MAPK10: variants seen among roughly 807,000 people sequenced by gnomAD.
MAPK10 encodes the protein mitogen-activated protein kinase 10.
In MAPK10, 25 loss-of-function variants were observed where a neutral mutation model predicts 59.3. The observed-to-expected ratio is 0.42, with a 90% CI of 0.31 to 0.59. MAPK10 has a LOEUF of 0.59. Ranked by LOEUF, MAPK10 falls within the 20% of genes least tolerant of loss-of-function variation. The pLI, the probability that MAPK10 is intolerant of heterozygous loss-of-function variation, is 0.15. For synonymous variants in MAPK10, 190 were observed against 200.5 expected (o/e 0.95, Z 0.44); for missense variants, 351 against 568.9 (o/e 0.62, Z 3.90).
intron 11 of MAPK10, among the ~76,000 whole-genome samples, chr4:86,057,833 T>G (rs1020916882): frequency 6.7e-6 from 1 of 149,898 alleles, no homozygotes; most frequent in Non-Finnish European, 1.5e-5. Flanking sequence ...GAGAGGAAAG[T>G]GAAAAGTTCT....
intron 1 of MAPK10, among the ~76,000 whole-genome samples, chr4:86,395,058 A>G (rs1285820177): frequency 1.6e-5 from 1 of 63,982 alleles, no homozygotes; most frequent in Non-Finnish European, 2.9e-5. Context: ...ACTCATTCAC[A>G]GTATTGAGTC....
chr4:86,393,245 T>A (rs1742474509), intron 1 of MAPK10, among the ~76,000 whole-genome samples: 1 of 152,222 alleles, frequency 6.6e-6, no homozygotes, highest in Non-Finnish European at 1.5e-5. Context: ...GTATAGCATG[T>A]TGATATTTAT....
intron 9 of MAPK10, among the ~76,000 whole-genome samples, chr4:86,075,565 G>T (rs553352148): frequency 6.6e-6 from 1 of 152,310 alleles, no homozygotes; most frequent in South Asian, 2.1e-4. Flanking sequence ...TGTACAGATG[G>T]GTTTTCAGTG....
chr4:86,459,284 G>A (rs1394037105), intron 1 of MAPK10, among the ~76,000 whole-genome samples: 1 of 152,152 alleles, frequency 6.6e-6, no homozygotes, highest in African/African-American at 2.4e-5. Flanking sequence ...AGTGAACAGG[G>A]AACACTTCTA....
chr4:86,552,714 A>C (rs1017708228), intron 1 of MAPK10, among the ~76,000 whole-genome samples: 1 of 152,106 alleles, frequency 6.6e-6, no homozygotes, highest in Non-Finnish European at 1.5e-5. Context: ...CAATTTTGGA[A>C]AAAGAGAGTG....
At chr4:86,542,384 A>G (rs76480086) in intron 1 of MAPK10, 7,125 of 152,240 alleles carry the variant, frequency 0.047, 221 homozygotes, top group African/African-American at 0.059. Context: ...AACCTCCTTT[A>G]GCCCCAAATT....
At chr4:86,141,505 T>A (rs1296874495) in intron 4 of MAPK10, among the ~76,000 whole-genome samples, 2 of 152,170 alleles carry the variant, frequency 1.3e-5, no homozygotes, top group Admixed American at 1.3e-4. Flanking sequence ...TCTCTTATTA[T>A]AGCAAAGACT....
At chr4:86,355,438 G>C (rs567216074) in intron 1 of MAPK10, among the ~76,000 whole-genome samples, 1 of 152,044 alleles carries the variant, frequency 6.6e-6, no homozygotes, top group South Asian at 2.1e-4. Flanking sequence ...CTTCAGAGGA[G>C]GTAAATTCCT....
intron 2 of MAPK10, chr4:86,277,137 CT>C (rs113070859): frequency 0.015 from 2,100 of 143,320 alleles, 19 homozygotes; most frequent in African/African-American, 0.035. Flanking sequence ...TTGTGACCAT[CT>C]TTTTTTTTTT....
intron 2 of MAPK10, among the ~76,000 whole-genome samples, chr4:86,295,490 T>C (rs2095337641): frequency 6.6e-6 from 1 of 152,064 alleles, no homozygotes; most frequent in South Asian, 2.1e-4. Flanking sequence ...ATAACCTTCA[T>C]GAAGGCAGGG....
intron 2 of MAPK10, among the ~76,000 whole-genome samples, chr4:86,205,228 T>G (rs1266895922): frequency 6.6e-6 from 1 of 151,910 alleles, no homozygotes; most frequent in Non-Finnish European, 1.5e-5. Context: ...AGGCAAAAAG[T>G]ATTATTAAGA....
intron 1 of MAPK10, among the ~76,000 whole-genome samples, chr4:86,448,479 C>CAT (rs1750318821): frequency 6.6e-6 from 1 of 151,780 alleles, no homozygotes; most frequent in South Asian, 2.1e-4. Flanking sequence ...TATCCAAGAA[C>CAT]ATAATATGTC....
chr4:86,010,648 T>C lies in MAPK10; in HGVS notation c.*6580A>G, dbSNP rs1321245180. ...CCATTGCTTTCTGAAAACCTTCCTT[T>C]TATAAAAGAAATACTTTAATATTAT... On this transcript the variant is annotated 3_prime_UTR_variant, in exon 14 of 14. Transcript: ENST00000641462. 2.0e-5 allele frequency: 3 copies of C among 152,228 alleles called. No individual in the cohort carries two copies. Among genetic ancestry groups the C allele is most frequent in the African/African-American group, 7.2e-5 (3 of 41,460 alleles). The allele number at this position is 152,228 out of a possible 1,614,324, so 9.4% of individuals were successfully genotyped here. A position where few individuals can be genotyped will look rare whatever the true frequency, so the allele number is the denominator to read the frequency against.
intron 1 of MAPK10, among the ~76,000 whole-genome samples, chr4:86,442,655 T>C (rs193119825): frequency 4.6e-5 from 7 of 152,324 alleles, no homozygotes; most frequent in Admixed American, 1.3e-4. Context: ...AAACAACATA[T>C]AGTATTGTTG....
chr4:86,119,034 T>C (rs1163970316), intron 4 of MAPK10, among the ~76,000 whole-genome samples: 1 of 152,228 alleles, frequency 6.6e-6, no homozygotes, highest in Non-Finnish European at 1.5e-5. Context: ...TTAGTTTTTC[T>C]ATCAAAAGTC....
intron 1 of MAPK10, among the ~76,000 whole-genome samples, chr4:86,573,105 C>T (rs1374251661): frequency 6.6e-6 from 1 of 151,974 alleles, no homozygotes; most frequent in African/African-American, 2.4e-5. Flanking sequence ...TTCACTTTTG[C>T]AGGAATCTTT....
intron 1 of MAPK10, among the ~76,000 whole-genome samples, chr4:86,378,792 A>G (rs1201113634): frequency 2.0e-5 from 3 of 152,198 alleles, no homozygotes; most frequent in Non-Finnish European, 2.9e-5. Context: ...AGAGTCACAT[A>G]AATCCCTCAT....
intron 2 of MAPK10, among the ~76,000 whole-genome samples, chr4:86,271,701 G>T (rs2094439376): frequency 6.6e-6 from 1 of 152,000 alleles, no homozygotes; most frequent in Non-Finnish European, 1.5e-5. Context: ...TATGGCAGAA[G>T]GGGAAGCAAA....
intron 2 of MAPK10, among the ~76,000 whole-genome samples, chr4:86,313,594 C>T (rs2095714461): frequency 6.6e-6 from 1 of 151,992 alleles, no homozygotes; most frequent in African/African-American, 2.4e-5. Flanking sequence ...ATCCAAGTGG[C>T]CAAAAAGCAG....
Sources: gnomAD v4.1 joint callset for allele counts (sites outside exome capture counted in the v4.1 genomes callset) on GRCh38, gnomAD v4.1.1 for gene constraint, MANE v1.5 for transcripts, NCBI Gene and HGNC (gene_info 2026-07-23, HGNC 2026-07-21) for gene names.